KMT2C: variants seen among roughly 807,000 people sequenced by gnomAD.
KMT2C encodes lysine methyltransferase 2C.
KMT2C carries 88 observed loss-of-function variants against 507.9 expected under a neutral mutation model. The ratio of observed to expected loss-of-function variants is 0.17; its 90% CI spans 0.15 to 0.21. The LOEUF (loss-of-function observed/expected upper bound fraction) is 0.21, where lower values mean the gene tolerates loss of function less well. Ranked by LOEUF, KMT2C falls within the 10% of genes least tolerant of loss-of-function variation. KMT2C has a pLI of 1.00. For missense variants in KMT2C, 4,954 were observed against 5,957.8 expected, an observed-to-expected ratio of 0.83 and a Z score of 5.55; for synonymous variants, 2,049 against 2,080.8, an observed-to-expected ratio of 0.98 and a Z score of 0.42.
chr7:152,308,495 G>C (rs1334536048), intron 6 of KMT2C, among the ~76,000 whole-genome samples: 1 of 151,456 alleles, frequency 6.6e-6, no homozygotes, highest in Non-Finnish European at 1.5e-5. Flanking sequence ...GGCCAACGTA[G>C]TGAAACCACA....
intron 3 of KMT2C, among the ~76,000 whole-genome samples, chr7:152,324,195 G>C (rs1350408326): frequency 2.0e-5 from 3 of 151,506 alleles, no homozygotes; most frequent in Non-Finnish European, 3.0e-5. Flanking sequence ...AATAGGTTTT[G>C]AGATACAGTG....
chr7:152,321,406 T>C (rs1342663139), intron 3 of KMT2C, among the ~76,000 whole-genome samples: 1 of 151,800 alleles, frequency 6.6e-6, no homozygotes, highest in Non-Finnish European at 1.5e-5. Flanking sequence ...AATATATTAC[T>C]GGAAGTCCTA....
intron 3 of KMT2C, among the ~76,000 whole-genome samples, chr7:152,327,893 G>A (rs914864277): frequency 3.3e-5 from 5 of 149,314 alleles, no homozygotes; most frequent in Admixed American, 6.8e-5. Context: ...AGGAGGTGGA[G>A]CTTGCAGTGA....
Position 152,167,296 on chromosome 7 carries a change from T to C in KMT2C, c.9600A>G (p.Glu3200=), listed in dbSNP as rs2092772366. ...LLQMQQKYLE[E]QIGAHRKSKK... is the part of the protein sequence containing the mutation. Reference sequence around the variant, plus strand: ...TAGATTTTCTGTGAGCACCAATTTGTTCTTCAAGATACTTCTGCTGCATTT... The same window carrying C: ...TAGATTTTCTGTGAGCACCAATTTGCTCTTCAAGATACTTCTGCTGCATTT... The change falls in exon 42 of 59, where the codon GAA becomes GAG. Residue 3200 remains glutamate, a synonymous_variant. Coordinates refer to ENST00000262189, the MANE Select transcript of KMT2C (RefSeq NM_170606.3). The C allele has an allele frequency of 1.9e-6, 3 of 1,614,120 alleles. No homozygotes were observed. Among genetic ancestry groups the C allele is most frequent in the Non-Finnish European group, 2.5e-6 (3 of 1,180,022 alleles).
At chr7:152,216,313 T>C (rs1056805139) in intron 23 of KMT2C, among the ~76,000 whole-genome samples, 3 of 152,226 alleles carry the variant, frequency 2.0e-5, no homozygotes, top group Non-Finnish European at 4.4e-5. Context: ...TTGTTTCTGA[T>C]ACACCAAAGT....
At chr7:152,328,797 G>A (rs755485514) in intron 3 of KMT2C, among the ~76,000 whole-genome samples, 30 of 152,004 alleles carry the variant, frequency 2.0e-4, no homozygotes, top group Admixed American at 6.6e-5. Context: ...TGAGCTACAA[G>A]GTATGAGAAA....
At chr7:152,308,921 G>A (rs977901837) in intron 6 of KMT2C, among the ~76,000 whole-genome samples, 23 of 152,008 alleles carry the variant, frequency 1.5e-4, no homozygotes, top group Non-Finnish European at 2.2e-4. Context: ...GGAGGAAGCC[G>A]TTTCATTTGC....
rs1274429169 is a variant in KMT2C at position 152,162,098 on chromosome 7, T to G, written c.11460+19A>C. 6.7e-7 allele frequency: 1 copy of G among 1,499,538 alleles called. No individual in the cohort carries two copies. Among genetic ancestry groups the G allele is most frequent in the Admixed American group, 2.3e-5 (1 of 43,222 alleles). 92.9% of individuals were successfully genotyped at this position (1,499,538 alleles called of 1,614,324 possible). A position where few individuals can be genotyped will look rare whatever the true frequency, so the allele number is the denominator to read the frequency against. On this transcript the variant is annotated intron_variant, in intron 43 of 58. Transcript: ENST00000262189. ...TAAAACAAAAGAAAAAAGTTGTCGT[T>G]TTTATGATTTACACTTACCAGTCCT...
chr7:152,173,945 C>T (rs1237781501), intron 39 of KMT2C, among the ~76,000 whole-genome samples, 186 bp downstream of exon 39: 2 of 152,358 alleles, frequency 1.3e-5, no homozygotes, highest in East Asian at 3.9e-4. Context: ...CTGGTTCTTA[C>T]ACTAATTTCT....
intron 6 of KMT2C, among the ~76,000 whole-genome samples, chr7:152,285,027 A>C (rs1231895637): frequency 7.2e-5 from 11 of 152,254 alleles, no homozygotes; most frequent in Non-Finnish European, 1.3e-4. Context: ...TATATTTCCA[A>C]CAAGTCAGAA....
intron 44 of KMT2C, chr7:152,157,965 A>G (rs1237463284): frequency 1.6e-6 from 2 of 1,270,200 alleles, no homozygotes; most frequent in Non-Finnish European, 1.0e-6. Flanking sequence ...ACATGATAAA[A>G]GGAACTCAGT....
chr7:152,297,055 C>CAGACAGAA lies in KMT2C; in HGVS notation c.849+12910_849+12911insTTCTGTCT, dbSNP rs1315629061. Reference sequence around the variant, plus strand: ...AAAGAAAGAAAGAAAGAAAGAAAGACAGAGAGAGAGAGAGAGAGAGAGAGA... The same window carrying CAGACAGAA: ...AAAGAAAGAAAGAAAGAAAGAAAGACAGACAGAAAGAGAGAGAGAGAGAGAGAGAGAGA... On this transcript the variant is annotated intron_variant, in intron 6 of 58. Transcript: ENST00000262189. 1.8e-3 allele frequency among the ~76,000 whole-genome samples: 155 copies of CAGACAGAA among 84,426 alleles called. 2 individuals are homozygous for CAGACAGAA. The highest frequency in any genetic ancestry group is 8.0e-3 in the African/African-American group (147 of 18,320). The allele number at this position is 84,426 out of a possible 152,430, so 55.4% of individuals were successfully genotyped here.
chr7:152,420,606 G>C (rs2097771422), intron 1 of KMT2C, among the ~76,000 whole-genome samples: 1 of 152,172 alleles, frequency 6.6e-6, no homozygotes, highest in Admixed American at 6.5e-5. Context: ...GGAGGCCGAG[G>C]TGGGTGGATC....
chr7:152,157,137 G>T (rs925217707), intron 44 of KMT2C, among the ~76,000 whole-genome samples: 1 of 150,898 alleles, frequency 6.6e-6, no homozygotes, highest in African/African-American at 2.4e-5. Context: ...ACCCAAGCTA[G>T]AGGTAGAGGG....
chr7:152,199,891 A>G (rs570497827), intron 26 of KMT2C, among the ~76,000 whole-genome samples: 19 of 152,292 alleles, frequency 1.2e-4, no homozygotes, highest in East Asian at 1.2e-3. Context: ...TACATCATCA[A>G]TCTGAAAGAC....
chr7:152,141,581 T>TA (rs2090552666), intron 55 of KMT2C, among the ~76,000 whole-genome samples: 1 of 149,674 alleles, frequency 6.7e-6, no homozygotes, highest in East Asian at 2.0e-4. Context: ...GGCATGGTAG[T>TA]ACACACCTGT....
At chr7:152,273,624 A>C in intron 7 of KMT2C, 81 bp downstream of exon 7, 1 of 1,577,266 alleles carries the variant, frequency 6.3e-7, no homozygotes, top group Non-Finnish European at 8.6e-7. Context: ...AAGTAGAATA[A>C]CACTCAGGGA....
intron 2 of KMT2C, among the ~76,000 whole-genome samples, chr7:152,356,532 C>G (rs916802158): frequency 2.6e-5 from 4 of 151,622 alleles, no homozygotes; most frequent in African/African-American, 9.7e-5. Flanking sequence ...GCCAAGATCA[C>G]GCCACTGCAC....
chr7:152,424,242 T>C (rs113788746), intron 1 of KMT2C, among the ~76,000 whole-genome samples: 39 of 152,280 alleles, frequency 2.6e-4, no homozygotes, highest in African/African-American at 8.4e-4. Flanking sequence ...ACCTCCTAAG[T>C]AGCTGGGACT....
Sources: allele counts gnomAD v4.1 joint callset (sites outside exome capture counted in the v4.1 genomes callset), GRCh38; gene constraint gnomAD v4.1.1; transcripts MANE v1.5; gene names NCBI Gene and HGNC (gene_info 2026-07-23, HGNC 2026-07-21).